CFAP46: variants seen among roughly 807,000 people sequenced by gnomAD.
The protein encoded by CFAP46 is cilia and flagella associated protein 46.
A neutral mutation model predicts 325.7 loss-of-function variants in CFAP46; 245 were observed. The ratio of observed to expected loss-of-function variants is 0.75; its 90% CI spans 0.68 to 0.84. The LOEUF (loss-of-function observed/expected upper bound fraction) is 0.84, where lower values mean the gene tolerates loss of function less well. Among genes scored for constraint, CFAP46 ranks in the 40% least tolerant of loss-of-function variants. The pLI, the probability that CFAP46 is intolerant of heterozygous loss-of-function variation, is 0.00. For missense variants in CFAP46, 3,346 were observed against 3,543.0 expected (o/e 0.94, Z 1.41); for synonymous variants, 1,523 against 1,495.9 (o/e 1.02, Z -0.42).
chr10:132,925,355 G>A (rs748143201), intron 10 of CFAP46, among the ~76,000 whole-genome samples: 14 of 152,238 alleles, frequency 9.2e-5, no homozygotes, highest in Middle Eastern at 3.2e-3. Context: ...ACTTGGCCAC[G>A]TCCCCACAGC....
At chr10:132,813,425 CCCA>C (rs1307208021) in intron 54 of CFAP46, among the ~76,000 whole-genome samples, 1 of 141,900 alleles carries the variant, frequency 7.0e-6, no homozygotes, top group Non-Finnish European at 1.5e-5. Flanking sequence ...CCCCTGCAGC[CCCA>C]CCTCTGCACA....
chr10:132,864,480 C>T (rs1848778312), intron 35 of CFAP46, among the ~76,000 whole-genome samples: 1 of 102,564 alleles, frequency 9.8e-6, no homozygotes, highest in Non-Finnish European at 2.1e-5. Context: ...GAGACCTGCA[C>T]ACATCTGTCC....
At position 132,919,472 on chromosome 10, in the gene CFAP46, GGTGA is replaced by G. The variant is rs1161030245; in HGVS notation, c.1731-34_1731-31del. ...TCACCGAGAACCCAAACGAGTGAAA[GGTGA>G]GTAGACAAGTGTGGTTGCTGAAGTT... On this transcript the variant is annotated intron_variant, in intron 14 of 57. Transcript: ENST00000368586. The surrounding 1 kb of genome is among the most constrained non-coding windows in gnomAD (Gnocchi z 9.7). 1 of 1,537,768 alleles carries G rather than the reference GGTGA, an allele frequency of 6.5e-7. No homozygotes were observed. Among genetic ancestry groups the G allele is most frequent in the African/African-American group, 1.4e-5 (1 of 72,318 alleles).
At chr10:132,820,981 G>A (rs1225956937) in intron 50 of CFAP46, among the ~76,000 whole-genome samples, 4 of 127,412 alleles carry the variant, frequency 3.1e-5, no homozygotes, top group Non-Finnish European at 6.5e-5. Context: ...GTGTGCTGAT[G>A]TGTGCTGTGT....
chr10:132,878,768 G>A (rs1848994588), intron 29 of CFAP46, among the ~76,000 whole-genome samples: 1 of 152,172 alleles, frequency 6.6e-6, no homozygotes, highest in African/African-American at 2.4e-5. Context: ...GCTGGGCGGT[G>A]GCCCTCTTGA....
chr10:132,881,141 A>C, intron 27 of CFAP46, 109 bp from the exon 28 acceptor site: 1 of 1,083,248 alleles, frequency 9.2e-7, no homozygotes, highest in Non-Finnish European at 1.3e-6. Context: ...CTTCATTCTT[A>C]CCCCCACAGT....
At chr10:132,921,962 C>A in intron 13 of CFAP46, 142 bp downstream of exon 13, 2 of 1,107,140 alleles carry the variant, frequency 1.8e-6, no homozygotes, top group Non-Finnish European at 2.5e-6. Flanking sequence ...GGGCCGAGAT[C>A]GAAGGACACT....
At chr10:132,815,911 T>C (rs1327712335) in intron 50 of CFAP46, among the ~76,000 whole-genome samples, 4 of 152,216 alleles carry the variant, frequency 2.6e-5, no homozygotes, top group Admixed American at 2.6e-4. Flanking sequence ...TGGGAGGAGC[T>C]GTCTACTTTT....
At chr10:132,821,242 GT>G (rs1237012694) in intron 50 of CFAP46, among the ~76,000 whole-genome samples, 2 of 117,836 alleles carry the variant, frequency 1.7e-5, no homozygotes, top group Non-Finnish European at 1.8e-5. Context: ...GATGTGTGCT[GT>G]GTGTGTGCTG....
At chr10:132,818,220 G>C (rs1032764481) in intron 50 of CFAP46, among the ~76,000 whole-genome samples, 1 of 152,120 alleles carries the variant, frequency 6.6e-6, no homozygotes, top group African/African-American at 2.4e-5. Flanking sequence ...GGGAAGGGAA[G>C]GATGTTTCAA....
intron 50 of CFAP46, among the ~76,000 whole-genome samples, chr10:132,821,429 G>C (rs1847822378): frequency 7.0e-6 from 1 of 143,370 alleles, no homozygotes; most frequent in Admixed American, 6.8e-5. Context: ...GCGCTGATGT[G>C]TGCTGTGTGA....
intron 8 of CFAP46, among the ~76,000 whole-genome samples, 164 bp from the exon 9 acceptor site, chr10:132,929,968 C>T (rs1849868232): frequency 6.6e-6 from 1 of 152,012 alleles, no homozygotes; most frequent in African/African-American, 2.4e-5. Flanking sequence ...TGGGGAGGCC[C>T]CAGCAGGGCT....
intron 32 of CFAP46, 176 bp downstream of exon 32, chr10:132,872,500 C>A (rs1564786083): frequency 7.8e-6 from 6 of 768,678 alleles, no homozygotes; most frequent in Non-Finnish European, 1.3e-5. Flanking sequence ...ATCAAATAGT[C>A]CTCCCGTCCC....
chr10:132,844,625 C>T (rs1286753640), intron 44 of CFAP46, among the ~76,000 whole-genome samples: 1 of 152,142 alleles, frequency 6.6e-6, no homozygotes, highest in Non-Finnish European at 1.5e-5. Flanking sequence ...TGACTGATGG[C>T]TCCCACATGT....
At chr10:132,878,527 G>A (rs1175112021) in intron 29 of CFAP46, among the ~76,000 whole-genome samples, 2 of 152,182 alleles carry the variant, frequency 1.3e-5, no homozygotes, top group African/African-American at 4.8e-5. Flanking sequence ...TGGGGCAGGC[G>A]TGGCTGGCCC....
At chr10:132,868,327 C>T (rs1188903855) in intron 33 of CFAP46, among the ~76,000 whole-genome samples, 1 of 152,232 alleles carries the variant, frequency 6.6e-6, no homozygotes, top group Non-Finnish European at 1.5e-5. Flanking sequence ...CTCCACAACT[C>T]CTTTGCTCCA....
Position 132,850,255 on chromosome 10 carries a change from C to T in CFAP46, c.5941G>A (p.Ala1981Thr), listed in dbSNP as rs375593158. 9.7e-6 allele frequency: 15 copies of T among 1,550,730 alleles called. No individual in the cohort carries two copies. The African/African-American group carries it at 1.6e-4, about 17-fold the overall frequency. ...DPVHPTCYWE[A>T]GPSVGAKLSG... ...GCAGGAGCACCTACCGAGGGGCCCG[C>T]CTCCCAGTAGCAGGTAGGGTGCACA... The change falls in exon 41 of 58, where the codon GCG becomes ACG. Residue 1981 changes from alanine to threonine, a missense_variant. By Grantham distance (58) the Ala-to-Thr change is moderately conservative. Coordinates refer to ENST00000368586, the MANE Select transcript of CFAP46 (RefSeq NM_001200049.3).
At chr10:132,813,172 C>A (rs369935662) in intron 54 of CFAP46, among the ~76,000 whole-genome samples, 1 of 152,060 alleles carries the variant, frequency 6.6e-6, no homozygotes, top group Non-Finnish European at 1.5e-5. Flanking sequence ...CTGCGGGAAA[C>A]GCTAGGAGGG....
intron 8 of CFAP46, among the ~76,000 whole-genome samples, chr10:132,931,983 G>A (rs377712750): frequency 3.0e-5 from 4 of 134,534 alleles, no homozygotes; most frequent in African/African-American, 1.1e-4. Flanking sequence ...TCGCCACACA[G>A]AGCCTGGGCC....
Sources: allele counts gnomAD v4.1 joint callset (sites outside exome capture counted in the v4.1 genomes callset), GRCh38; gene constraint gnomAD v4.1.1; non-coding constraint Gnocchi (gnomAD v3.1); transcripts MANE v1.5; gene names NCBI Gene and HGNC (gene_info 2026-07-23, HGNC 2026-07-21).